CNTN5: variants seen among roughly 807,000 people sequenced by gnomAD.
CNTN5 encodes contactin 5.
CNTN5 carries 77 observed loss-of-function variants against 129.1 expected under a neutral mutation model. That is an observed-to-expected ratio of 0.60 (90% CI 0.50 to 0.72). CNTN5 has a LOEUF of 0.72. Ranked by LOEUF, CNTN5 falls within the 30% of genes least tolerant of loss-of-function variation. The pLI is 0.00. For synonymous variants in CNTN5, 509 were observed against 465.6 expected, an observed-to-expected ratio of 1.09 and a Z score of -1.20; for missense variants, 1,478 against 1,328.8, an observed-to-expected ratio of 1.11 and a Z score of -1.75.
At chr11:99,504,430 A>T (rs1225618821) in intron 2 of CNTN5, among the ~76,000 whole-genome samples, 1 of 150,392 alleles carries the variant, frequency 6.6e-6, no homozygotes, top group Non-Finnish European at 1.5e-5. Context: ...AGCCCCAGCT[A>T]CTTGGGAGGC....
intron 1 of CNTN5, among the ~76,000 whole-genome samples, chr11:99,067,107 A>G (rs1012321973): frequency 6.6e-6 from 1 of 152,164 alleles, no homozygotes; most frequent in African/African-American, 2.4e-5. Context: ...CCTTCTTGGC[A>G]TTTACTTCAC....
intron 2 of CNTN5, among the ~76,000 whole-genome samples, chr11:99,435,544 C>G (rs1369017167): frequency 2.6e-5 from 4 of 152,176 alleles, no homozygotes; most frequent in African/African-American, 4.8e-5. Context: ...CTAACCACAT[C>G]TGGTTACATG....
chr11:99,359,015 G>A (rs936694573), intron 2 of CNTN5, among the ~76,000 whole-genome samples: 1 of 152,090 alleles, frequency 6.6e-6, no homozygotes, highest in Non-Finnish European at 1.5e-5. Context: ...TACATTTCTT[G>A]TTGAACATTT....
At chr11:99,377,339 T>C (rs1218578685) in intron 2 of CNTN5, among the ~76,000 whole-genome samples, 1 of 152,138 alleles carries the variant, frequency 6.6e-6, no homozygotes, top group Non-Finnish European at 1.5e-5. Flanking sequence ...TGTCACAGAA[T>C]GTTTTGCCTT....
chr11:99,094,590 A>G (rs1222277177), intron 1 of CNTN5, among the ~76,000 whole-genome samples: 1 of 152,030 alleles, frequency 6.6e-6, no homozygotes, highest in Non-Finnish European at 1.5e-5. Flanking sequence ...TGGCATACAG[A>G]AGACAGCCAT....
intron 6 of CNTN5, among the ~76,000 whole-genome samples, chr11:99,902,761 C>T (rs1307796894): frequency 6.6e-6 from 1 of 152,122 alleles, no homozygotes; most frequent in African/African-American, 2.4e-5. Context: ...CTGAATCCTT[C>T]CTTAAACTTG....
At chr11:99,838,278 T>C (rs1218247614) in intron 4 of CNTN5, among the ~76,000 whole-genome samples, 1 of 152,230 alleles carries the variant, frequency 6.6e-6, no homozygotes, top group Non-Finnish European at 1.5e-5. Context: ...ATCGTTCTTC[T>C]TCCAGTTCTG....
chr11:99,130,658 A>G (rs1858887165), intron 1 of CNTN5, among the ~76,000 whole-genome samples: 1 of 151,270 alleles, frequency 6.6e-6, no homozygotes, highest in Non-Finnish European at 1.5e-5. Context: ...CAGAATATAT[A>G]TTTTTATGAA....
intron 2 of CNTN5, among the ~76,000 whole-genome samples, chr11:99,440,028 A>G (rs888363745): frequency 6.6e-6 from 1 of 152,188 alleles, no homozygotes; most frequent in Non-Finnish European, 1.5e-5. Flanking sequence ...ATTGAATACC[A>G]TAATGAATGC....
chr11:100,050,552 C>T (rs1477293316), intron 9 of CNTN5, among the ~76,000 whole-genome samples: 1 of 151,748 alleles, frequency 6.6e-6, no homozygotes, highest in Admixed American at 6.6e-5. Flanking sequence ...GTGCAGCACA[C>T]CAGCATGGCA....
chr11:99,356,013 A>T (rs938395311), intron 2 of CNTN5, among the ~76,000 whole-genome samples: 2 of 151,676 alleles, frequency 1.3e-5, no homozygotes, highest in African/African-American at 4.8e-5. Context: ...TTTTTAGTAG[A>T]GACGGGGTTT....
At chr11:99,042,942 C>T (rs1012305582) in intron 1 of CNTN5, among the ~76,000 whole-genome samples, 4 of 148,536 alleles carry the variant, frequency 2.7e-5, no homozygotes, top group Middle Eastern at 3.2e-3. Context: ...TTAAATTTCT[C>T]AAGATCTATA....
At chr11:99,141,734 C>T (rs567889610) in intron 1 of CNTN5, among the ~76,000 whole-genome samples, 3 of 152,110 alleles carry the variant, frequency 2.0e-5, no homozygotes, top group Admixed American at 6.5e-5. Context: ...TTGATTTCTT[C>T]CTTAATTGGA....
intron 2 of CNTN5, among the ~76,000 whole-genome samples, chr11:99,388,267 T>C (rs1220766414): frequency 6.6e-6 from 1 of 151,708 alleles, no homozygotes; most frequent in African/African-American, 2.4e-5. Flanking sequence ...AATACAAAAT[T>C]AGCCGAGCAT....
intron 15 of CNTN5, among the ~76,000 whole-genome samples, chr11:100,217,355 T>C (rs751518443): frequency 6.6e-6 from 1 of 152,170 alleles, no homozygotes; most frequent in Non-Finnish European, 1.5e-5. Context: ...AAGAAGAACA[T>C]AGTTGCAAAA....
chr11:99,045,132 C>A (rs1051845410), intron 1 of CNTN5, among the ~76,000 whole-genome samples: 8 of 152,104 alleles, frequency 5.3e-5, no homozygotes, highest in African/African-American at 1.9e-4. Context: ...AGGATGCATC[C>A]CATGTAGGGT....
chr11:99,121,491 G>A (rs1056711530), intron 1 of CNTN5, among the ~76,000 whole-genome samples: 1 of 152,164 alleles, frequency 6.6e-6, no homozygotes, highest in Non-Finnish European at 1.5e-5. Context: ...TCCTGCCACT[G>A]ACATATTCTG....
At chr11:100,041,220 G>A (rs959403) in intron 9 of CNTN5, among the ~76,000 whole-genome samples, 6,218 of 151,932 alleles carry the variant, frequency 0.041, 152 homozygotes, top group African/African-American at 0.068. Flanking sequence ...TCTCTTCCTT[G>A]TCTAAATAAC....
chr11:99,189,478 C>T (rs946205556), intron 1 of CNTN5, among the ~76,000 whole-genome samples: 2 of 151,494 alleles, frequency 1.3e-5, no homozygotes, highest in African/African-American at 4.8e-5. Context: ...TTTATATTGA[C>T]TGTTCTAATT....
Sources: allele counts gnomAD v4.1 joint callset (sites outside exome capture counted in the v4.1 genomes callset), GRCh38; gene constraint gnomAD v4.1.1; transcripts MANE v1.5; gene names NCBI Gene and HGNC (gene_info 2026-07-23, HGNC 2026-07-21).